Variants in C12orf57 observed in about 807,000 individuals in gnomAD.
C12orf57 encodes protein C10.
Under a neutral mutation model 11.3 loss-of-function variants are expected in C12orf57, and 14 were observed. The observed-to-expected ratio is 1.24, with a 90% CI of 0.82 to 1.94. The LOEUF (loss-of-function observed/expected upper bound fraction) is 1.94, where lower values mean the gene tolerates loss of function less well. Among genes scored for constraint, C12orf57 ranks in the 30% most tolerant of loss-of-function variants. The pLI, the probability that C12orf57 is intolerant of heterozygous loss-of-function variation, is 0.00. For synonymous variants in C12orf57, 100 were observed against 74.6 expected (o/e 1.34, Z -1.76); for missense variants, 229 against 172.4 (o/e 1.33, Z -1.84).
In C12orf57 at chr12:6,944,169, A is replaced by T. The variant is rs782446700; in HGVS notation, c.48A>T (p.Ala16=). The T allele has an allele frequency of 1.9e-6, 3 of 1,614,068 alleles. No individual in the cohort carries two copies. Among genetic ancestry groups the T allele is most frequent in the Non-Finnish European group, 1.7e-6 (2 of 1,179,996 alleles). ...CGGCGGCCTTGAGCGCTGAGCAAGCAAAGGGTGAGAATCGTCCTAGTCAAG... is the reference window on the plus strand; with the variant it reads ...CGGCGGCCTTGAGCGCTGAGCAAGCTAAGGGTGAGAATCGTCCTAGTCAAG... The part of the protein sequence containing the change: ...TQPAALSAEQ[A]KVVLAEVIQA... Residue 16 remains alanine, a synonymous_variant, in exon 1 of 3, where the codon GCA becomes GCT. Coordinates refer to ENST00000229281, the MANE Select transcript of C12orf57 (RefSeq NM_138425.4).
Position 6,944,129 on chromosome 12 carries a change from C to G in C12orf57, c.8C>G (p.Ser3Cys), listed in dbSNP as rs368241854. Residue 3 changes from serine to cysteine, a missense_variant, in exon 1 of 3, where the codon TCC becomes TGC. By Grantham distance (112) the Ser-to-Cys change is moderately radical. Transcript: ENST00000229281. Reference sequence around the variant, plus strand: ...TAGAGCTTCAGACGCCCTATGGCGTCCGCCTCGACCCAACCGGCGGCCTTG... The same window carrying G: ...TAGAGCTTCAGACGCCCTATGGCGTGCGCCTCGACCCAACCGGCGGCCTTG... MA[S>C]ASTQPAALSA... The G allele has an allele frequency of 3.7e-6, 6 of 1,614,134 alleles. No individual in the cohort carries two copies. The highest frequency in any genetic ancestry group is 2.2e-5 in the East Asian group (1 of 44,904).
chr12:6,945,268 G>A lies in C12orf57; in HGVS notation c.230-503G>A, dbSNP rs1244792325. On this transcript the variant is annotated intron_variant, in intron 2 of 2. Coordinates refer to ENST00000229281, the MANE Select transcript of C12orf57 (RefSeq NM_138425.4). ...TAATGGTGCAGACTCTCGAGTAGCAGAGCTGGACTTAAATGCTGTTGTGCC... is the reference window on the plus strand; with the variant it reads ...TAATGGTGCAGACTCTCGAGTAGCAAAGCTGGACTTAAATGCTGTTGTGCC... 3.9e-5 allele frequency among the ~76,000 whole-genome samples: 6 copies of A among 152,352 alleles called. No individual in the cohort carries two copies. The East Asian group carries it at 9.6e-4, about 24-fold the overall frequency.
intron 1 of C12orf57, 137 bp from the exon 2 acceptor site, chr12:6,944,339 G>C (rs988817023): frequency 1.3e-6 from 2 of 1,557,038 alleles, no homozygotes; most frequent in Middle Eastern, 2.3e-4. Context: ...TAAGTGGGGC[G>C]CTTGCCCCCA....
intron 1 of C12orf57, 96 bp downstream of exon 1, chr12:6,944,269 C>A (rs781866903): frequency 2.5e-6 from 4 of 1,605,050 alleles, no homozygotes; most frequent in Non-Finnish European, 2.6e-6. Context: ...GGATGTGGGG[C>A]GACAAACCTG....
At chr12:6,943,805 C>G (rs111516356), upstream of C12orf57, 51 of 886,078 alleles carry the variant, frequency 5.8e-5, no homozygotes, top group East Asian at 2.1e-4. Context: ...TCTCTCCAAA[C>G]ACATACGCAG....
At chr12:6,944,724 G>C in intron 2 of C12orf57, 72 bp downstream of exon 2, 1 of 1,595,274 alleles carries the variant, frequency 6.3e-7, no homozygotes, top group South Asian at 1.1e-5. Flanking sequence ...CGCCGGATCT[G>C]TGGGCCCATG....
chr12:6,944,919 T>C, intron 2 of C12orf57: 1 of 1,325,496 alleles, frequency 7.5e-7, no homozygotes, highest in Non-Finnish European at 9.8e-7. Flanking sequence ...GATTTCGGAA[T>C]ATTTACATAT....
chr12:6,943,862 T>C (rs782247139), upstream of C12orf57: 99 of 939,148 alleles, frequency 1.1e-4, no homozygotes, highest in African/African-American at 1.1e-3. Flanking sequence ...TTTCTGGCTT[T>C]TTACCGGAAA....
upstream of C12orf57, chr12:6,943,940 G>A (rs1440531783): frequency 7.1e-6 from 10 of 1,412,292 alleles, no homozygotes; most frequent in East Asian, 4.8e-5. Flanking sequence ...GGGTAGTTTT[G>A]GTGGTCTTGA....
At chr12:6,944,399 T>G in intron 1 of C12orf57, 77 bp from the exon 2 acceptor site, 1 of 1,565,664 alleles carries the variant, frequency 6.4e-7, no homozygotes, top group South Asian at 1.2e-5. Context: ...ACTAATTCCT[T>G]GCGCTCTCCG....
chr12:6,944,324 C>T lies in C12orf57; in HGVS notation c.52+151C>T. ...TGGGGTAGGGGACGCCGGGTACCGT[C>T]CTTCTAAGTGGGGCGCTTGCCCCCA... On this transcript the variant is annotated intron_variant, in intron 1 of 2. Transcript: ENST00000229281. 1.9e-6 allele frequency: 3 copies of T among 1,571,120 alleles called. No individual in the cohort carries two copies. In the South Asian group the frequency reaches 3.4e-5, roughly 18 times the overall value.
At chr12:6,944,015 G>A (rs1007720531), upstream of C12orf57, 18 of 1,603,660 alleles carry the variant, frequency 1.1e-5, no homozygotes, top group Admixed American at 1.7e-5. Context: ...TGCGCCGGAT[G>A]CTGTTTCCTT....
rs781893864 is a variant in C12orf57 at position 6,944,746 on chromosome 12, C to G, written c.229+94C>G. On this transcript the variant is annotated intron_variant, in intron 2 of 2. Coordinates refer to ENST00000229281, the MANE Select transcript of C12orf57 (RefSeq NM_138425.4). ...TCTGTGGGCCCATGAGCGGTTGTCC[C>G]CTTTCTCGCCACACGGCGGCAGCCA... The G allele has an allele frequency of 1.0e-5, 16 of 1,574,132 alleles. No individual in the cohort carries two copies. The East Asian group carries it at 1.1e-4, about 11-fold the overall frequency.
chr12:6,943,864 T>C (rs145994149), upstream of C12orf57: 1,808 of 937,242 alleles, frequency 1.9e-3, 5 homozygotes, highest in African/African-American at 6.5e-3. Context: ...TCTGGCTTTT[T>C]ACCGGAAAGC....
intron 1 of C12orf57, 48 bp downstream of exon 1, chr12:6,944,221 A>C (rs1555145876): frequency 7.5e-6 from 12 of 1,590,588 alleles, no homozygotes; most frequent in Non-Finnish European, 1.0e-5. Flanking sequence ...TGGGGTAGTC[A>C]AGGCATGGGC....
At position 6,944,510 on chromosome 12, in the gene C12orf57, C is replaced by T. The variant is rs782545435; in HGVS notation, c.87C>T (p.Ala29=). ...VLAEVIQAFS[A]PENAVRMDEA... is the part of the protein sequence containing the mutation. ...CGGAGGTGATCCAGGCGTTCTCCGCCCCGGAGAATGCAGTGCGCATGGACG... is the reference window on the plus strand; with the variant it reads ...CGGAGGTGATCCAGGCGTTCTCCGCTCCGGAGAATGCAGTGCGCATGGACG... The change falls in exon 2 of 3, where the codon GCC becomes GCT. Residue 29 remains alanine, a synonymous_variant. Coordinates refer to ENST00000229281, the MANE Select transcript of C12orf57 (RefSeq NM_138425.4). The T allele has an allele frequency of 1.9e-6, 3 of 1,613,486 alleles. No homozygotes were observed. The highest frequency in any genetic ancestry group is 2.5e-6 in the Non-Finnish European group (3 of 1,180,012).
chr12:6,945,187 T>C (rs729751), intron 2 of C12orf57: 181,994 of 186,690 alleles, frequency 0.97, 88,730 homozygotes, highest in East Asian at 1. Flanking sequence ...TTAAGGATGG[T>C]CAACCTGTAC....
Position 6,944,099 on chromosome 12 carries a change from G to A in C12orf57, c.-23G>A, listed in dbSNP as rs782064804. 6.2e-6 allele frequency: 10 copies of A among 1,614,178 alleles called. No individual in the cohort carries two copies. In the South Asian group the frequency reaches 7.7e-5, roughly 12 times the overall value. On this transcript the variant is annotated 5_prime_UTR_variant, in exon 1 of 3. Coordinates refer to ENST00000229281, the MANE Select transcript of C12orf57 (RefSeq NM_138425.4). ...CGTGAGTTTTCCATTTACCTCCGCT[G>A]AACCTAGAGCTTCAGACGCCCTATG...
At chr12:6,944,197 A>ATGGGCTGCTGGCCTGGGG (rs782260738) in intron 1 of C12orf57, 24 bp downstream of exon 1, 81 of 1,565,906 alleles carry the variant, frequency 5.2e-5, no homozygotes, top group Middle Eastern at 3.3e-4. Context: ...TAGTCAAGGC[A>ATGGGCTGCTGGCCTGGGG]TAGGCTGCTG....
Sources: gnomAD v4.1 joint callset for allele counts (sites outside exome capture counted in the v4.1 genomes callset) on GRCh38, gnomAD v4.1.1 for gene constraint, MANE v1.5 for transcripts, NCBI Gene and HGNC (gene_info 2026-07-23, HGNC 2026-07-21) for gene names.